Variants in MYBPC1 observed in about 807,000 individuals in gnomAD.
MYBPC1 encodes the protein myosin binding protein C1.
MYBPC1 carries 52 observed loss-of-function variants against 147.1 expected under a neutral mutation model. The ratio of observed to expected loss-of-function variants is 0.35; its 90% CI spans 0.28 to 0.45. MYBPC1 has a LOEUF of 0.45. Among genes scored for constraint, MYBPC1 ranks in the 20% least tolerant of loss-of-function variants. MYBPC1 has a pLI of 1.00. For missense variants in MYBPC1, 1,228 were observed against 1,440.3 expected, an observed-to-expected ratio of 0.85 and a Z score of 2.39; for synonymous variants, 477 against 475.9, an observed-to-expected ratio of 1.00 and a Z score of -0.03.
At chr12:101,678,043 T>A in intron 27 of MYBPC1, 59 bp from the exon 28 acceptor site, 1 of 1,567,554 alleles carries the variant, frequency 6.4e-7, no homozygotes, top group South Asian at 1.1e-5. Context: ...ATGCCACCAA[T>A]AATATATTCT....
intron 1 of MYBPC1, among the ~76,000 whole-genome samples, chr12:101,611,490 T>C (rs943568997): frequency 6.6e-5 from 10 of 152,216 alleles, no homozygotes; most frequent in East Asian, 5.8e-4. Context: ...AAAATGGGAA[T>C]TGGTCACATA....
Position 101,675,404 on chromosome 12 carries a change from C to A in MYBPC1, c.2922C>A (p.Thr974=), listed in dbSNP as rs1365414519. 3 of 1,614,096 alleles carry A rather than the reference C, an allele frequency of 1.9e-6. No homozygotes were observed. Among genetic ancestry groups the A allele is most frequent in the Admixed American group, 1.7e-5 (1 of 60,010 alleles). ...DDGNAAITGY[T]IQKADKKSME... is the part of the protein sequence containing the mutation. ...GAAATGCTGCTATCACAGGCTATAC[C>A]ATTCAGAAGGCTGACAAGAAGAGCA... Residue 974 remains threonine (T), a synonymous_variant, in exon 26 of 32, where the codon ACC becomes ACA. Transcript: ENST00000361466.
intron 1 of MYBPC1, among the ~76,000 whole-genome samples, chr12:101,613,499 T>C (rs1309592386): frequency 6.6e-6 from 1 of 152,226 alleles, no homozygotes; most frequent in Non-Finnish European, 1.5e-5. Flanking sequence ...CTTCATTAAC[T>C]GCCTCTTCTT....
Position 101,627,622 on chromosome 12 carries a change from T to C in MYBPC1, c.143-147T>C. 3 of 846,778 alleles carry C rather than the reference T, an allele frequency of 3.5e-6. No individual in the cohort carries two copies. The South Asian group carries it at 4.1e-5, about 12-fold the overall frequency. 52.5% of individuals were successfully genotyped at this position (846,778 alleles called of 1,614,324 possible). A position where few individuals can be genotyped will look rare whatever the true frequency, so the allele number is the denominator to read the frequency against. ...CTTTCATACTTGGAGCTCTACTGAT[T>C]TTCCATCCAAGCCAACTTGTAGGGT... On this transcript the variant is annotated intron_variant, in intron 4 of 31. Transcript: ENST00000361466.
At chr12:101,614,583 C>T (rs1885384567) in intron 2 of MYBPC1, 52 bp downstream of exon 2, 2 of 1,593,988 alleles carry the variant, frequency 1.3e-6, no homozygotes, top group African/African-American at 1.3e-5. Flanking sequence ...ACAGAGGGTC[C>T]ATCCCAGCAT....
rs777095883 is a variant in MYBPC1 at position 101,685,610 on chromosome 12, G to T, written c.*48G>T. 21 of 1,534,472 alleles carry T rather than the reference G, an allele frequency of 1.4e-5. No homozygotes were observed. The South Asian group carries it at 2.3e-4, about 17-fold the overall frequency. On this transcript the variant is annotated 3_prime_UTR_variant, in exon 32 of 32. Transcript: ENST00000361466. ...GGCTCTCCTTCTGCAGACTCCTCTTGCAAGGCGTACCTCCAAACATAATTG... is the reference window on the plus strand; with the variant it reads ...GGCTCTCCTTCTGCAGACTCCTCTTTCAAGGCGTACCTCCAAACATAATTG...
rs1449118459 is a variant in MYBPC1 at position 101,647,912 on chromosome 12, C to T, written c.1091-133C>T. The T allele has an allele frequency of 4.2e-6, 3 of 714,828 alleles. No homozygotes were observed. In the East Asian group the frequency reaches 9.0e-5, roughly 21 times the overall value. The allele number at this position is 714,828 out of a possible 1,614,324, so 44.3% of individuals were successfully genotyped here. The stretch of plus-strand genomic sequence containing the variant: ...AAAACAAGAACAAAAACAAAAACCT[C>T]ACTTACTGTTATCACCATGTCAACC... On this transcript the variant is annotated intron_variant, in intron 13 of 31. Coordinates refer to ENST00000361466, the MANE Select transcript of MYBPC1 (RefSeq NM_002465.4).
intron 9 of MYBPC1, among the ~76,000 whole-genome samples, chr12:101,635,945 G>T (rs1458399018): frequency 1.3e-5 from 2 of 152,178 alleles, no homozygotes; most frequent in Non-Finnish European, 2.9e-5. Flanking sequence ...GTGGCTGCAT[G>T]CCTAATTTAA....
chr12:101,677,991 A>T (rs1900381027), intron 27 of MYBPC1, 111 bp from the exon 28 acceptor site: 1 of 1,332,964 alleles, frequency 7.5e-7, no homozygotes, highest in South Asian at 1.2e-5. Flanking sequence ...ATCTTTGTCC[A>T]TGTTTTTCTA....
At chr12:101,629,286 G>A in intron 5 of MYBPC1, 148 bp from the exon 6 acceptor site, 1 of 690,666 alleles carries the variant, frequency 1.4e-6, no homozygotes. Context: ...ACTGATGGCT[G>A]CTGGGGGCAG....
chr12:101,637,077 T>C, intron 10 of MYBPC1: 1 of 52,864 alleles, frequency 1.9e-5, no homozygotes, highest in Non-Finnish European at 3.2e-5. Flanking sequence ...GGTATACACA[T>C]TGTAAGAGGC....
At chr12:101,655,314 C>A (rs1416203147) in intron 18 of MYBPC1, among the ~76,000 whole-genome samples, 2 of 151,694 alleles carry the variant, frequency 1.3e-5, no homozygotes, top group Non-Finnish European at 2.9e-5. Context: ...ATCTAATCAC[C>A]TACAGATGAA....
intron 12 of MYBPC1, among the ~76,000 whole-genome samples, chr12:101,645,382 C>G (rs1017763675): frequency 6.6e-6 from 1 of 152,214 alleles, no homozygotes; most frequent in Non-Finnish European, 1.5e-5. Context: ...TAATCCCTGA[C>G]GTCTGATGGT....
At position 101,615,662 on chromosome 12, in the gene MYBPC1, GCCCCCCCCCCGCCC is replaced by G. The variant is rs1885733390; in HGVS notation, c.61+1136_61+1149del. On this transcript the variant is annotated intron_variant, in intron 2 of 31. Coordinates refer to ENST00000361466, the MANE Select transcript of MYBPC1 (RefSeq NM_002465.4). ...TTAGGCAATATTATAAGAACCCCCCGCCCCCCCCCCGCCCCCCCACACCAAGCAGTATGTGATTA... is the reference window on the plus strand; with the variant it reads ...TTAGGCAATATTATAAGAACCCCCCGCCCCACACCAAGCAGTATGTGATTA... Among the ~76,000 whole-genome samples the G allele has an allele frequency of 9.2e-5, 4 of 43,466 alleles. 1 individual carries two copies. The highest frequency in any genetic ancestry group is 2.8e-3 in the South Asian group (2 of 710). The allele number at this position is 43,466 out of a possible 152,430, so 28.5% of individuals were successfully genotyped here. A position where few individuals can be genotyped will look rare whatever the true frequency, so the allele number is the denominator to read the frequency against.
chr12:101,643,794 T>C (rs1300784728), intron 11 of MYBPC1, among the ~76,000 whole-genome samples: 1 of 152,188 alleles, frequency 6.6e-6, no homozygotes, highest in Non-Finnish European at 1.5e-5. Context: ...AAATCCTGAA[T>C]TCCTAAACGT....
At chr12:101,673,338 G>A (rs1899125402) in intron 24 of MYBPC1, 89 bp from the exon 25 acceptor site, 3 of 1,374,294 alleles carry the variant, frequency 2.2e-6, no homozygotes, top group African/African-American at 2.9e-5. Context: ...GCCTAGAATG[G>A]GTTAAGCCAC....
At chr12:101,652,250 T>G (rs763131456) in intron 16 of MYBPC1, among the ~76,000 whole-genome samples, 3 of 152,182 alleles carry the variant, frequency 2.0e-5, no homozygotes, top group Non-Finnish European at 2.9e-5. Flanking sequence ...CCATCAGATA[T>G]TCACTAGTTT....
chr12:101,620,975 A>G (rs984623480), intron 3 of MYBPC1, among the ~76,000 whole-genome samples: 7 of 152,168 alleles, frequency 4.6e-5, no homozygotes, highest in African/African-American at 1.7e-4. Flanking sequence ...CCTGAGATGA[A>G]GTCTTTCTTT....
intron 19 of MYBPC1, chr12:101,660,244 T>C (rs1381706730): frequency 1.1e-5 from 3 of 274,856 alleles, no homozygotes; most frequent in Non-Finnish European, 2.1e-5. Context: ...TACTTTAGTT[T>C]CTCCTTAAAT....
Sources: gnomAD v4.1 joint callset for allele counts (sites outside exome capture counted in the v4.1 genomes callset) on GRCh38, gnomAD v4.1.1 for gene constraint, MANE v1.5 for transcripts, NCBI Gene and HGNC (gene_info 2026-07-23, HGNC 2026-07-21) for gene names.